ASB11: variants seen among roughly 807,000 people sequenced by gnomAD.
ASB11 encodes ankyrin repeat and SOCS box protein 11.
In ASB11, 17 loss-of-function variants were observed where a neutral mutation model predicts 20.1. The observed-to-expected ratio is 0.85, with a 90% CI of 0.58 to 1.27. ASB11 has a LOEUF of 1.27. Ranked by LOEUF, ASB11 falls within the 50% of genes most tolerant of loss-of-function variation. ASB11 has a pLI of 0.00. For synonymous variants in ASB11, 107 were observed against 105.6 expected (o/e 1.01, Z -0.08); for missense variants, 259 against 256.9 (o/e 1.01, Z -0.06).
At chrX:15,298,449 A>G (rs902464268) in intron 2 of ASB11, among the ~76,000 whole-genome samples, 3 of 111,652 alleles carry the variant, frequency 2.7e-5, no homozygotes, top group African/African-American at 9.8e-5. Context: ...AAAGGAGGAC[A>G]GTAAGCTGGA....
At chrX:15,284,035 G>A (rs1483515461) in intron 6 of ASB11, among the ~76,000 whole-genome samples, 23 of 108,750 alleles carry the variant, frequency 2.1e-4, no homozygotes, top group Non-Finnish European at 3.6e-4. Flanking sequence ...GGCGGATCAC[G>A]AGGTCAGGAG....
At position 15,285,096 on chromosome X, in the gene ASB11, A is replaced by G. The variant is rs758306804; in HGVS notation, c.848-1467T>C. ...GACAAATTGTCCAGTGCCCAGAGACACTGACAGGAGAGTGAACTCTGATGT... is the reference window on the plus strand; with the variant it reads ...GACAAATTGTCCAGTGCCCAGAGACGCTGACAGGAGAGTGAACTCTGATGT... On this transcript the variant is annotated intron_variant, in intron 6 of 6. Coordinates refer to ENST00000480796, the MANE Select transcript of ASB11 (RefSeq NM_080873.3). Among the ~76,000 whole-genome samples, 79 of 109,349 alleles carry G rather than the reference A, an allele frequency of 7.2e-4. 1 individual carries two copies. The highest frequency in any genetic ancestry group is 3.3e-3 in the Admixed American group (34 of 10,246). The allele number at this position is 109,349 out of a possible 115,157, so 95.0% of individuals were successfully genotyped here. A position where few individuals can be genotyped will look rare whatever the true frequency, so the allele number is the denominator to read the frequency against.
chrX:15,314,330 T>C (rs1921541121), intron 1 of ASB11: 1 of 63,900 alleles, frequency 1.6e-5, no homozygotes, highest in Non-Finnish European at 3.1e-5. Context: ...GAAGCATTAC[T>C]TTTTTTTTTT....
At chrX:15,314,438 G>A (rs756094429) in intron 1 of ASB11, 35 of 1,196,346 alleles carry the variant, frequency 2.9e-5, no homozygotes, top group South Asian at 7.3e-5. Flanking sequence ...CTTCTGATAC[G>A]TTCTGAAACT....
At position 15,297,693 on chromosome X, in the gene ASB11, AAAG is replaced by A. The variant is rs1920981237; in HGVS notation, c.262-15_262-13del. The stretch of plus-strand genomic sequence containing the variant: ...TTCACATTGACACCCTATAATTTAG[AAAG>A]AAGAGAGTTTATTTATTTTTTACAG... On this transcript the variant is annotated splice_polypyrimidine_tract_variant and intron_variant, in intron 2 of 6. Transcript: ENST00000480796. The A allele has an allele frequency of 1.7e-6, 2 of 1,194,664 alleles. No homozygotes were observed. The highest frequency in any genetic ancestry group is 5.9e-5 in the East Asian group (2 of 33,669).
chrX:15,300,569 A>G (rs986800068), intron 2 of ASB11, among the ~76,000 whole-genome samples: 1 of 112,537 alleles, frequency 8.9e-6, no homozygotes, highest in African/African-American at 3.2e-5. Context: ...ATTTAACCAT[A>G]TTATTGAAGC....
intron 6 of ASB11, among the ~76,000 whole-genome samples, chrX:15,284,220 C>A (rs745345169): frequency 1.7e-4 from 17 of 100,777 alleles, no homozygotes; most frequent in Non-Finnish European, 1.6e-4. Context: ...CCACTGCACT[C>A]CAGCCTGGGC....
At chrX:15,305,216 G>A (rs1247951653) in intron 1 of ASB11, among the ~76,000 whole-genome samples, 1 of 111,928 alleles carries the variant, frequency 8.9e-6, no homozygotes, top group East Asian at 2.8e-4. Flanking sequence ...ATTGTCATCT[G>A]ATGGAATGCG....
At chrX:15,296,833 G>T (rs938828158) in intron 3 of ASB11, among the ~76,000 whole-genome samples, 37 of 111,842 alleles carry the variant, frequency 3.3e-4, no homozygotes, top group African/African-American at 1.2e-3. Context: ...ACTAAAAACA[G>T]AGATACCATA....
chrX:15,286,045 C>A (rs902309955), intron 6 of ASB11, among the ~76,000 whole-genome samples: 1 of 110,194 alleles, frequency 9.1e-6, no homozygotes, highest in Admixed American at 9.7e-5. Flanking sequence ...ATAATCTAGA[C>A]CAGTGGTACG....
intron 1 of ASB11, 124 bp from the exon 2 acceptor site, chrX:15,302,931 C>CT: frequency 1.8e-6 from 1 of 569,787 alleles, no homozygotes; most frequent in Admixed American, 2.8e-5. Flanking sequence ...AAGCAGGTAT[C>CT]ACGCATCAGG....
At position 15,287,786 on chromosome X, in the gene ASB11, A is replaced by T. The variant is rs1262749697; in HGVS notation, c.847+95T>A. 5 of 1,023,638 alleles carry T rather than the reference A, an allele frequency of 4.9e-6. No individual in the cohort carries two copies. In the African/African-American group the frequency reaches 9.6e-5, roughly 20 times the overall value. 84.4% of individuals were successfully genotyped at this position (1,023,638 alleles called of 1,213,427 possible). Reference sequence around the variant, plus strand: ...CTCCCACAATGCCACCTTCAATTAAAAAGAGAAAAGAAAAAGGAAAAAATG... The same window carrying T: ...CTCCCACAATGCCACCTTCAATTAATAAGAGAAAAGAAAAAGGAAAAAATG... On this transcript the variant is annotated intron_variant, in intron 6 of 6. Transcript: ENST00000480796.
chrX:15,315,096 T>C (rs776043230), intron 1 of ASB11, among the ~76,000 whole-genome samples: 1 of 112,203 alleles, frequency 8.9e-6, no homozygotes, highest in Non-Finnish European at 1.9e-5. Context: ...TGTTAAAGTT[T>C]GCTTTAAAAT....
chrX:15,307,169 G>C (rs1360598248), intron 1 of ASB11, among the ~76,000 whole-genome samples: 1 of 112,735 alleles, frequency 8.9e-6, no homozygotes, highest in Non-Finnish European at 1.9e-5. Context: ...GGGCTGTGGT[G>C]ATCCTCATTT....
intron 5 of ASB11, 115 bp from the exon 6 acceptor site, chrX:15,288,187 T>C: frequency 3.7e-6 from 3 of 809,502 alleles, no homozygotes; most frequent in Non-Finnish European, 5.1e-6. Flanking sequence ...ACTTGACAAA[T>C]GTTTGAAAAT....
chrX:15,302,208 G>A (rs1033889915), intron 2 of ASB11, among the ~76,000 whole-genome samples: 1 of 111,464 alleles, frequency 9.0e-6, no homozygotes, highest in African/African-American at 3.3e-5. Flanking sequence ...TGCCCGCCTT[G>A]AGCCATGAGA....
rs1027232951 is a variant in ASB11 at position 15,284,055 on chromosome X, A to G, written c.848-426T>C. On this transcript the variant is annotated intron_variant, in intron 6 of 6. Coordinates refer to ENST00000480796, the MANE Select transcript of ASB11 (RefSeq NM_080873.3). ...ATCACGAGGTCAGGAGATGGAGACC[A>G]TCCTGGCTAACACGGTGAAACCCCG... Among the ~76,000 whole-genome samples, 13 of 107,923 alleles carry G rather than the reference A, an allele frequency of 1.2e-4. No homozygotes were observed. The East Asian group carries it at 1.8e-3, about 15-fold the overall frequency. 93.7% of individuals were successfully genotyped at this position (107,923 alleles called of 115,157 possible).
rs979020072 is a variant in ASB11, at chrX:15,288,241, C to T, written c.656-169G>A. Among the ~76,000 whole-genome samples the T allele has an allele frequency of 6.2e-5, 7 of 112,489 alleles. No individual in the cohort carries two copies. In the South Asian group the frequency reaches 1.1e-3, roughly 17 times the overall value. On this transcript the variant is annotated intron_variant, in intron 5 of 6. Coordinates refer to ENST00000480796, the MANE Select transcript of ASB11 (RefSeq NM_080873.3). ...ACCTCAGCAATGCCTACTAAGACTA[C>T]TTGAAATTCTTTGGTGAGAAAAGTG...
At chrX:15,292,290 G>T (rs914281768) in intron 4 of ASB11, among the ~76,000 whole-genome samples, 3 of 111,929 alleles carry the variant, frequency 2.7e-5, no homozygotes, top group Non-Finnish European at 3.8e-5. Flanking sequence ...TTTCACTTTT[G>T]CTTTTTGAAA....
Sources: allele counts gnomAD v4.1 joint callset (sites outside exome capture counted in the v4.1 genomes callset), GRCh38; gene constraint gnomAD v4.1.1; transcripts MANE v1.5; gene names NCBI Gene and HGNC (gene_info 2026-07-23, HGNC 2026-07-21).